Variants in ARL13B observed in about 807,000 individuals in gnomAD.
ARL13B encodes the protein ADP-ribosylation factor-like protein 13B.
ARL13B carries 36 observed loss-of-function variants against 56.1 expected under a neutral mutation model. That is an observed-to-expected ratio of 0.64 (90% CI 0.49 to 0.85). The LOEUF (loss-of-function observed/expected upper bound fraction) is 0.85. Ranked by LOEUF, ARL13B falls within the 40% of genes least tolerant of loss-of-function variation. ARL13B has a pLI of 0.00. For synonymous variants in ARL13B, 178 were observed against 171.1 expected, an observed-to-expected ratio of 1.04 and a Z score of -0.32; for missense variants, 519 against 507.1, an observed-to-expected ratio of 1.02 and a Z score of -0.23.
chr3:94,015,105 T>C (rs879233943), intron 3 of ARL13B: 3 of 1,613,902 alleles, frequency 1.9e-6, no homozygotes, highest in Non-Finnish European at 2.5e-6. Context: ...CCTGTAGTTT[T>C]TGGATTTCAT....
intron 1 of ARL13B, among the ~76,000 whole-genome samples, chr3:93,981,835 C>G (rs1161567637): frequency 7.2e-6 from 1 of 139,724 alleles, no homozygotes; most frequent in South Asian, 2.3e-4. Flanking sequence ...TATCGCTGCA[C>G]TCCCTGAGTG....
intron 1 of ARL13B, among the ~76,000 whole-genome samples, chr3:93,988,026 A>G (rs947314121): frequency 3.3e-5 from 5 of 152,180 alleles, no homozygotes; most frequent in Non-Finnish European, 5.9e-5. Context: ...ATCAAGAGCC[A>G]GTATCTACAA....
intron 3 of ARL13B, among the ~76,000 whole-genome samples, chr3:94,009,444 CA>C (rs1173223084): frequency 6.6e-6 from 1 of 151,844 alleles, no homozygotes. Context: ...TGTAAGTGCC[CA>C]GGAGAAGTTA....
intron 2 of ARL13B, among the ~76,000 whole-genome samples, chr3:93,997,983 C>CA (rs1046246728): frequency 4.7e-5 from 7 of 149,168 alleles, no homozygotes; most frequent in Non-Finnish European, 8.9e-5. Flanking sequence ...GACTCCGTCT[C>CA]AAAAAAAAAG....
intron 3 of ARL13B, among the ~76,000 whole-genome samples, chr3:94,034,192 T>C (rs927484192): frequency 2.0e-5 from 3 of 151,700 alleles, no homozygotes; most frequent in African/African-American, 7.3e-5. Context: ...GGCAGCAAAA[T>C]AGAAGGTATG....
At chr3:94,037,428 ATCCTCT>A (rs938329213) in intron 5 of ARL13B, among the ~76,000 whole-genome samples, 7 of 152,170 alleles carry the variant, frequency 4.6e-5, no homozygotes, top group Non-Finnish European at 1.0e-4. Flanking sequence ...CGTGAAGGAA[ATCCTCT>A]GATAACTGGT....
intron 7 of ARL13B, among the ~76,000 whole-genome samples, chr3:94,043,899 C>T (rs113130205): frequency 0.023 from 3,447 of 150,988 alleles, 146 homozygotes; most frequent in African/African-American, 0.08. Flanking sequence ...CTTGGGTGAT[C>T]CGCCCACCTC....
intron 1 of ARL13B, among the ~76,000 whole-genome samples, chr3:93,989,201 T>C (rs1346952306): frequency 1.3e-5 from 2 of 152,230 alleles, no homozygotes; most frequent in Non-Finnish European, 2.9e-5. Flanking sequence ...GATGTGAAGA[T>C]TTATATAAAT....
chr3:94,028,018 G>A (rs957789317), intron 3 of ARL13B, among the ~76,000 whole-genome samples: 1 of 152,046 alleles, frequency 6.6e-6, no homozygotes, highest in Non-Finnish European at 1.5e-5. Flanking sequence ...TCTAAAGTAA[G>A]CACATTCATA....
intron 3 of ARL13B, among the ~76,000 whole-genome samples, chr3:94,019,117 A>G (rs1465845476): frequency 6.6e-6 from 1 of 151,744 alleles, no homozygotes; most frequent in Admixed American, 6.6e-5. Flanking sequence ...AGCACAGCAA[A>G]TCTTGTCAAC....
intron 1 of ARL13B, among the ~76,000 whole-genome samples, chr3:93,982,327 C>T (rs1482526295): frequency 6.6e-6 from 1 of 152,162 alleles, no homozygotes; most frequent in South Asian, 2.1e-4. Flanking sequence ...CTTTAATAAG[C>T]ACCATCTAGA....
At chr3:94,005,935 G>A (rs557444895) in intron 3 of ARL13B, among the ~76,000 whole-genome samples, 5 of 152,228 alleles carry the variant, frequency 3.3e-5, no homozygotes, top group East Asian at 1.9e-4. Context: ...GCCAGCCACC[G>A]TTAGCATTTT....
intron 6 of ARL13B, 48 bp downstream of exon 6, chr3:94,040,036 G>T: frequency 6.5e-7 from 1 of 1,542,556 alleles, no homozygotes; most frequent in South Asian, 1.2e-5. Context: ...TTATAAGTTG[G>T]AACTTGGAAA....
At chr3:94,046,997 G>A (rs200220190) in intron 7 of ARL13B, among the ~76,000 whole-genome samples, 1 of 152,040 alleles carries the variant, frequency 6.6e-6, no homozygotes, top group Non-Finnish European at 1.5e-5. Flanking sequence ...TATACGTTAA[G>A]TTATGTAACA....
At chr3:93,991,541 A>AT (rs1180726999) in intron 1 of ARL13B, among the ~76,000 whole-genome samples, 4 of 151,972 alleles carry the variant, frequency 2.6e-5, no homozygotes, top group Non-Finnish European at 5.9e-5. Flanking sequence ...TTCCCAGCTA[A>AT]TTTTTTAAAA....
In ARL13B at chr3:93,980,201, G is replaced by A. The variant is rs1331761172; in HGVS notation, c.-223G>A. On this transcript the variant is annotated 5_prime_UTR_variant, in exon 1 of 10. Transcript: ENST00000394222. Reference sequence around the variant, plus strand: ...GCTAACTCGGCTACGGTGTATCTGCGTCTTTGGTCAGGTTGTTCCTTGGCT... The same window carrying A: ...GCTAACTCGGCTACGGTGTATCTGCATCTTTGGTCAGGTTGTTCCTTGGCT... The A allele has an allele frequency of 1.4e-6, 1 of 700,310 alleles. No homozygotes were observed. The highest frequency in any genetic ancestry group is 2.6e-6 in the Non-Finnish European group (1 of 386,976). The allele number at this position is 700,310 out of a possible 1,614,324, so 43.4% of individuals were successfully genotyped here. A position where few individuals can be genotyped will look rare whatever the true frequency, so the allele number is the denominator to read the frequency against.
intron 3 of ARL13B, among the ~76,000 whole-genome samples, chr3:94,004,155 T>C (rs2076096772): frequency 6.6e-6 from 1 of 152,200 alleles, no homozygotes; most frequent in Non-Finnish European, 1.5e-5. Flanking sequence ...CTCATTGTTT[T>C]ATGTGATAGT....
chr3:93,983,522 G>A (rs1710312414), intron 1 of ARL13B, among the ~76,000 whole-genome samples: 1 of 152,132 alleles, frequency 6.6e-6, no homozygotes, highest in Non-Finnish European at 1.5e-5. Context: ...TTAAAAAAGA[G>A]AAAACACAGT....
intron 3 of ARL13B, among the ~76,000 whole-genome samples, chr3:94,020,755 G>A (rs910892575): frequency 1.3e-5 from 2 of 152,070 alleles, no homozygotes; most frequent in African/African-American, 2.4e-5. Context: ...AGTTTTTGTT[G>A]CTGAAATGCA....
Sources: gnomAD v4.1 joint callset for allele counts (sites outside exome capture counted in the v4.1 genomes callset) on GRCh38, gnomAD v4.1.1 for gene constraint, MANE v1.5 for transcripts, NCBI Gene and HGNC (gene_info 2026-07-23, HGNC 2026-07-21) for gene names.